Variants in NALCN observed in about 807,000 individuals in gnomAD.
NALCN encodes sodium leak channel NALCN.
NALCN carries 111 observed loss-of-function variants against 225.3 expected under a neutral mutation model. The observed-to-expected ratio is 0.49, with a 90% CI of 0.42 to 0.58. NALCN has a LOEUF of 0.58. Among genes scored for constraint, NALCN ranks in the 20% least tolerant of loss-of-function variants. The pLI is 0.00. For synonymous variants in NALCN, 764 were observed against 769.0 expected, an observed-to-expected ratio of 0.99 and a Z score of 0.11; for missense variants, 1,378 against 2,202.4, an observed-to-expected ratio of 0.63 and a Z score of 7.49.
intron 6 of NALCN, chr13:101,372,926 A>G (rs2046581424): frequency 5.1e-6 from 1 of 194,914 alleles, no homozygotes. Flanking sequence ...AATACAATTG[A>G]GAAGACATAA....
intron 15 of NALCN, among the ~76,000 whole-genome samples, chr13:101,163,262 G>A (rs1399921430): frequency 6.6e-6 from 1 of 152,048 alleles, no homozygotes; most frequent in Non-Finnish European, 1.5e-5. Context: ...AAACTAGAAT[G>A]AAAATAATTC....
chr13:101,065,663 A>G (rs908012226), intron 39 of NALCN, 102 bp from the exon 40 acceptor site: 4 of 1,414,058 alleles, frequency 2.8e-6, no homozygotes, highest in Non-Finnish European at 3.8e-6. Context: ...AAAAGCTAGC[A>G]TAATTAGCAC....
chr13:101,375,867 C>T (rs1040281234), intron 6 of NALCN, among the ~76,000 whole-genome samples: 28 of 152,046 alleles, frequency 1.8e-4, no homozygotes, highest in African/African-American at 6.8e-4. Flanking sequence ...TAGCTAACAC[C>T]TAATGGGACA....
chr13:101,273,425 C>T (rs984119576), intron 10 of NALCN, among the ~76,000 whole-genome samples: 8 of 152,110 alleles, frequency 5.3e-5, no homozygotes, highest in African/African-American at 7.2e-5. Context: ...AAGCACACAA[C>T]GAAGCAACTT....
intron 18 of NALCN, among the ~76,000 whole-genome samples, 159 bp from the exon 19 acceptor site, chr13:101,111,385 C>T (rs1157699135): frequency 6.6e-6 from 1 of 152,182 alleles, no homozygotes; most frequent in African/African-American, 2.4e-5. Context: ...GAACTTTACG[C>T]TCTGCGTCAA....
At chr13:101,404,527 A>G (rs981059559) in intron 1 of NALCN, among the ~76,000 whole-genome samples, 2 of 152,192 alleles carry the variant, frequency 1.3e-5, no homozygotes, top group Non-Finnish European at 2.9e-5. Flanking sequence ...TGTTGAGCAC[A>G]TACATTGTGT....
chr13:101,383,225 G>A (rs189485103), intron 3 of NALCN, among the ~76,000 whole-genome samples: 7 of 152,190 alleles, frequency 4.6e-5, no homozygotes, highest in African/African-American at 1.4e-4. Context: ...TGCAACAACT[G>A]ACAACTCAGC....
At chr13:101,138,517 A>G (rs17678051) in intron 17 of NALCN, among the ~76,000 whole-genome samples, 3,569 of 152,340 alleles carry the variant, frequency 0.023, 55 homozygotes, top group Middle Eastern at 0.075. Flanking sequence ...GCTGGGAAGT[A>G]CAGGGGCACG....
intron 15 of NALCN, among the ~76,000 whole-genome samples, chr13:101,171,416 A>C (rs1022602323): frequency 4.6e-5 from 7 of 151,054 alleles, no homozygotes; most frequent in African/African-American, 1.7e-4. Flanking sequence ...CATATATGTA[A>C]TAATAGATAT....
chr13:101,066,123 C>T (rs1330378111), intron 39 of NALCN, among the ~76,000 whole-genome samples: 3 of 151,866 alleles, frequency 2.0e-5, no homozygotes, highest in African/African-American at 4.8e-5. Flanking sequence ...GTCAGGAGTT[C>T]GAGACCAGCC....
intron 7 of NALCN, among the ~76,000 whole-genome samples, chr13:101,301,749 A>G (rs2043979734): frequency 6.6e-6 from 1 of 151,516 alleles, no homozygotes; most frequent in Non-Finnish European, 1.5e-5. Flanking sequence ...AAGAAAAAAA[A>G]AAACAAAACC....
chr13:101,398,655 A>C (rs1185254186), intron 2 of NALCN, among the ~76,000 whole-genome samples: 1 of 152,170 alleles, frequency 6.6e-6, no homozygotes, highest in Non-Finnish European at 1.5e-5. Flanking sequence ...ATATTGTCTC[A>C]CGGATTCAGG....
In NALCN at chr13:101,206,837, T is replaced by C. The variant is rs144855447; in HGVS notation, c.1627-14783A>G. 3.4e-3 allele frequency among the ~76,000 whole-genome samples: 519 copies of C among 151,920 alleles called. 4 individuals carry two copies. Among genetic ancestry groups the C allele is most frequent in the African/African-American group, 0.012 (484 of 41,498 alleles). On this transcript the variant is annotated intron_variant, in intron 13 of 43. Transcript: ENST00000251127. The stretch of plus-strand genomic sequence containing the variant: ...GCATACAAATGTACTTGAATCAAAA[T>C]TGAATTCAGCTGCAAATATAGTTTG...
At chr13:101,226,262 A>G (rs535302088) in intron 13 of NALCN, among the ~76,000 whole-genome samples, 5 of 152,026 alleles carry the variant, frequency 3.3e-5, no homozygotes, top group Non-Finnish European at 7.4e-5. Flanking sequence ...CTCCAACCAG[A>G]CATCCCAATC....
chr13:101,268,543 T>C (rs2140245088), intron 10 of NALCN, among the ~76,000 whole-genome samples: 1 of 152,300 alleles, frequency 6.6e-6, no homozygotes, highest in East Asian at 1.9e-4. Context: ...GTCATATATA[T>C]TACATATAGT....
At chr13:101,142,299 G>A (rs1374865020) in intron 17 of NALCN, among the ~76,000 whole-genome samples, 2 of 151,440 alleles carry the variant, frequency 1.3e-5, no homozygotes, top group Admixed American at 6.6e-5. Context: ...CCACCACCAC[G>A]CCCAGCTGAC....
intron 30 of NALCN, among the ~76,000 whole-genome samples, chr13:101,086,173 T>G (rs1014667803): frequency 2.0e-5 from 3 of 152,074 alleles, no homozygotes; most frequent in African/African-American, 7.2e-5. Flanking sequence ...GTTTCCTTAC[T>G]TTCTGTATCA....
At chr13:101,164,560 C>A (rs2038350208) in intron 15 of NALCN, among the ~76,000 whole-genome samples, 2 of 152,082 alleles carry the variant, frequency 1.3e-5, no homozygotes, top group Non-Finnish European at 2.9e-5. Flanking sequence ...CATATTTCTA[C>A]TTTTTGAATG....
intron 6 of NALCN, among the ~76,000 whole-genome samples, chr13:101,345,846 G>C (rs2045709298): frequency 6.9e-6 from 1 of 144,660 alleles, no homozygotes; most frequent in African/African-American, 2.5e-5. Flanking sequence ...CCAAATCACT[G>C]ATGACAAGCA....
Sources: gnomAD v4.1 joint callset for allele counts (sites outside exome capture counted in the v4.1 genomes callset) on GRCh38, gnomAD v4.1.1 for gene constraint, MANE v1.5 for transcripts, NCBI Gene and HGNC (gene_info 2026-07-23, HGNC 2026-07-21) for gene names.